The following UNC5C variants were observed in gnomAD, a reference collection of about 807,000 sequenced individuals.
UNC5C encodes netrin receptor UNC5C.
In UNC5C, 47 loss-of-function variants were observed where a neutral mutation model predicts 99.8. That is an observed-to-expected ratio of 0.47 (90% CI 0.37 to 0.60). UNC5C has a LOEUF of 0.60. Among genes scored for constraint, UNC5C ranks in the 20% least tolerant of loss-of-function variants. The probability of loss-of-function intolerance (pLI) is 0.00; values close to 1 mark genes in which losing one functional copy is unlikely to be tolerated. For missense variants in UNC5C, 1,062 were observed against 1,165.9 expected, an observed-to-expected ratio of 0.91 and a Z score of 1.30; for synonymous variants, 487 against 452.2, an observed-to-expected ratio of 1.08 and a Z score of -0.98.
At chr4:95,285,213 A>G (rs894242870) in intron 3 of UNC5C, among the ~76,000 whole-genome samples, 7 of 152,200 alleles carry the variant, frequency 4.6e-5, no homozygotes, top group South Asian at 4.1e-4. Flanking sequence ...CGTTAAGCAC[A>G]TAATAACTTT....
intron 1 of UNC5C, among the ~76,000 whole-genome samples, chr4:95,402,205 A>G (rs1745721064): frequency 6.6e-6 from 1 of 152,148 alleles, no homozygotes; most frequent in Non-Finnish European, 1.5e-5. Flanking sequence ...GCCATTATAC[A>G]TCTTAGATAT....
chr4:95,446,427 T>G (rs1747108803), intron 1 of UNC5C, among the ~76,000 whole-genome samples: 1 of 152,148 alleles, frequency 6.6e-6, no homozygotes, highest in Non-Finnish European at 1.5e-5. Context: ...CTCAGTAAGC[T>G]CATAATGATG....
Position 95,250,609 on chromosome 4 carries a change from A to G in UNC5C, c.653T>C (p.Ile218Thr). ...IDPVEDRNFYITIDHNLIIKQ... is the reference protein window; with the variant it reads ...IDPVEDRNFYTTIDHNLIIKQ... ...TATGATGAGGTTGTGATCAATAGTA[A>G]TATAAAAATTCCGATCTTCAACGGG... Residue 218 changes from isoleucine (I) to threonine (T), a missense_variant, in exon 5 of 16, where the codon ATT becomes ACT. Coordinates refer to ENST00000453304, the MANE Select transcript of UNC5C (RefSeq NM_003728.4). 3 of 1,614,058 alleles carry G rather than the reference A, an allele frequency of 1.9e-6. No homozygotes were observed. The highest frequency in any genetic ancestry group is 1.7e-6 in the Non-Finnish European group (2 of 1,179,980).
At position 95,173,177 on chromosome 4, in the gene UNC5C, C is replaced by T. The variant is rs1187012041; in HGVS notation, c.2452-2845G>A. 6.2e-3 allele frequency among the ~76,000 whole-genome samples: 939 copies of T among 150,932 alleles called. 5 individuals are homozygous for T. The highest frequency in any genetic ancestry group is 0.022 in the African/African-American group (909 of 41,034). On this transcript the variant is annotated intron_variant, in intron 14 of 15. Transcript: ENST00000453304. ...GGGTTTTCTAGATATACAATCATGT[C>T]ATCTGCAAACAGGGACAATTTGACT...
intron 1 of UNC5C, among the ~76,000 whole-genome samples, chr4:95,533,642 G>T (rs184712849): frequency 6.6e-6 from 1 of 151,974 alleles, no homozygotes; most frequent in African/African-American, 2.4e-5. Context: ...CTACATCCTC[G>T]ATGAAGTAAT....
intron 7 of UNC5C, among the ~76,000 whole-genome samples, chr4:95,239,162 G>A (rs530517957): frequency 6.6e-6 from 1 of 152,258 alleles, no homozygotes; most frequent in Admixed American, 6.5e-5. Context: ...AATGAACTTA[G>A]TTATGAAAGG....
intron 9 of UNC5C, 141 bp downstream of exon 9, chr4:95,218,828 T>TACAGAA (rs1738352799): frequency 1.3e-6 from 1 of 771,468 alleles, no homozygotes; most frequent in Non-Finnish European, 2.0e-6. Context: ...ATGTTCTGTT[T>TACAGAA]ACATTGAAAG....
intron 4 of UNC5C, 52 bp downstream of exon 4, chr4:95,278,207 G>T: frequency 1.4e-6 from 2 of 1,452,164 alleles, no homozygotes; most frequent in Non-Finnish European, 1.9e-6. Flanking sequence ...TTAGGCCTCT[G>T]TTAGAATAAC....
At chr4:95,332,231 A>T (rs1201309727) in intron 2 of UNC5C, among the ~76,000 whole-genome samples, 1 of 152,004 alleles carries the variant, frequency 6.6e-6, no homozygotes, top group Non-Finnish European at 1.5e-5. Context: ...TTTAAAGTTC[A>T]TATTGAACCA....
At chr4:95,249,671 A>G (rs1739622989) in intron 5 of UNC5C, among the ~76,000 whole-genome samples, 1 of 152,194 alleles carries the variant, frequency 6.6e-6, no homozygotes, top group Non-Finnish European at 1.5e-5. Flanking sequence ...CCACATCAGA[A>G]TGGGGTATGA....
chr4:95,539,025 C>T (rs1335614759), intron 1 of UNC5C, among the ~76,000 whole-genome samples: 1 of 152,156 alleles, frequency 6.6e-6, no homozygotes, highest in African/African-American at 2.4e-5. Context: ...GAGCTTGAAA[C>T]AAACCATCAC....
chr4:95,387,192 A>G (rs1020473019), intron 1 of UNC5C, among the ~76,000 whole-genome samples: 1 of 151,928 alleles, frequency 6.6e-6, no homozygotes, highest in African/African-American at 2.4e-5. Flanking sequence ...AGGCTGGAGT[A>G]CAGTGGTGTG....
chr4:95,235,362 C>CATT (rs1376218483), intron 7 of UNC5C, among the ~76,000 whole-genome samples: 5 of 152,144 alleles, frequency 3.3e-5, no homozygotes, highest in African/African-American at 1.2e-4. Context: ...TGTTTGAGTT[C>CATT]ATTGTAGATT....
intron 1 of UNC5C, among the ~76,000 whole-genome samples, chr4:95,443,369 G>A (rs1303112736): frequency 6.6e-6 from 1 of 152,122 alleles, no homozygotes; most frequent in Non-Finnish European, 1.5e-5. Flanking sequence ...GAGAGTAACA[G>A]GGTACCTATT....
intron 1 of UNC5C, among the ~76,000 whole-genome samples, chr4:95,515,458 T>C (rs6853126): frequency 0.011 from 1,606 of 152,314 alleles, 8 homozygotes; most frequent in African/African-American, 0.021. Context: ...AATTCTTAAT[T>C]AGTATTTTAA....
Position 95,170,319 on chromosome 4 carries a change from A to T in UNC5C, c.2465T>A (p.Ile822Asn). 1 of 1,614,148 alleles carries T rather than the reference A, an allele frequency of 6.2e-7. No homozygotes were observed. The highest frequency in any genetic ancestry group is 8.5e-7 in the Non-Finnish European group (1 of 1,179,986). Residue 822 changes from isoleucine (I) to asparagine (N), a missense_variant, in exon 15 of 16, where the codon ATC (isoleucine) becomes AAC (asparagine). By Grantham distance (149) the Ile-to-Asn change is moderately radical (BLOSUM62 -3). Transcript: ENST00000453304. Reference protein sequence around the residue: ...NCTVSEEPTGIDLPLLDPANT... With the variant: ...NCTVSEEPTGNDLPLLDPANT... Reference sequence around the variant, plus strand: ...CGCAGGATCCAGCAGCGGCAAATCGATGCCAGTAGGTTCCTGTAGTTCAGG... The same window carrying T: ...CGCAGGATCCAGCAGCGGCAAATCGTTGCCAGTAGGTTCCTGTAGTTCAGG...
chr4:95,516,607 G>A (rs547735561), intron 1 of UNC5C, among the ~76,000 whole-genome samples: 1 of 152,266 alleles, frequency 6.6e-6, no homozygotes, highest in South Asian at 2.1e-4. Context: ...CATAGTGGAC[G>A]CTGGAGCCTT....
At chr4:95,498,406 CTTAAAA>C (rs1721684222) in intron 1 of UNC5C, among the ~76,000 whole-genome samples, 2 of 151,904 alleles carry the variant, frequency 1.3e-5, no homozygotes, top group Admixed American at 6.6e-5. Flanking sequence ...AGTAGCTGTA[CTTAAAA>C]TTAAACATTT....
At chr4:95,538,116 A>G (rs1234086732) in intron 1 of UNC5C, among the ~76,000 whole-genome samples, 1 of 152,192 alleles carries the variant, frequency 6.6e-6, no homozygotes, top group Admixed American at 6.5e-5. Context: ...CTGCCTGTTT[A>G]TTAGCAGCCC....
Sources: gnomAD v4.1 joint callset for allele counts (sites outside exome capture counted in the v4.1 genomes callset) on GRCh38, gnomAD v4.1.1 for gene constraint, MANE v1.5 for transcripts, NCBI Gene and HGNC (gene_info 2026-07-23, HGNC 2026-07-21) for gene names.